Variants in KIZ observed in about 807,000 individuals in gnomAD.
KIZ encodes centrosomal protein kizuna.
In KIZ, 68 loss-of-function variants were observed where a neutral mutation model predicts 79.6. The observed-to-expected ratio is 0.85, with a 90% CI of 0.70 to 1.05. The LOEUF (loss-of-function observed/expected upper bound fraction) is 1.05. Among genes scored for constraint, KIZ ranks in the 50% least tolerant of loss-of-function variants. The pLI is 0.00. For missense variants in KIZ, 797 were observed against 800.4 expected, an observed-to-expected ratio of 1.00 and a Z score of 0.05; for synonymous variants, 280 against 281.8, an observed-to-expected ratio of 0.99 and a Z score of 0.06.
chr20:21,169,042 A>G (rs1278531644), intron 6 of KIZ, among the ~76,000 whole-genome samples: 1 of 152,232 alleles, frequency 6.6e-6, no homozygotes, highest in African/African-American at 2.4e-5. Context: ...TCATGTCTAA[A>G]ACACCAAAAG....
In KIZ at chr20:21,171,471, G is replaced by A. The variant is rs1380957017; in HGVS notation, c.1352+8312G>A. Among the ~76,000 whole-genome samples the A allele has an allele frequency of 2.0e-5, 3 of 152,058 alleles. No individual in the cohort carries two copies. In the East Asian group the frequency reaches 5.8e-4, roughly 29 times the overall value. Reference sequence around the variant, plus strand: ...ATTTTGTTTGTTTGTTTGTGACAGGGTCACACTCTGTTGCCCAGGCTGGAA... The same window carrying A: ...ATTTTGTTTGTTTGTTTGTGACAGGATCACACTCTGTTGCCCAGGCTGGAA... On this transcript the variant is annotated intron_variant, in intron 6 of 12. Coordinates refer to ENST00000619189, the MANE Select transcript of KIZ (RefSeq NM_018474.6).
intron 6 of KIZ, among the ~76,000 whole-genome samples, chr20:21,178,203 C>A (rs906727789): frequency 6.6e-6 from 1 of 152,024 alleles, no homozygotes; most frequent in Non-Finnish European, 1.5e-5. Flanking sequence ...ATCTTATAAT[C>A]CATGAACATG....
In KIZ at chr20:21,162,463, A is replaced by G. The variant is rs2033722006; in HGVS notation, c.998A>G (p.Asn333Ser). ...GTTTCAGAATACTGTGAATCTGAAA[A>G]TAAGTGGTCTCAAGAGAAGCATTCT... ...IPVSEYCESE[N>S]KWSQEKHSPW... The change falls in exon 5 of 13, where the codon AAT becomes AGT. Residue 333 changes from asparagine to serine, a missense_variant. Coordinates refer to ENST00000619189, the MANE Select transcript of KIZ (RefSeq NM_018474.6). The G allele has an allele frequency of 1.2e-6, 2 of 1,613,526 alleles. No homozygotes were observed. The highest frequency in any genetic ancestry group is 2.2e-5 in the East Asian group (1 of 44,862).
intron 6 of KIZ, among the ~76,000 whole-genome samples, chr20:21,187,256 T>C (rs2034913979): frequency 6.6e-6 from 1 of 152,182 alleles, no homozygotes; most frequent in Non-Finnish European, 1.5e-5. Context: ...CTATATTTGG[T>C]GTCTACCATG....
intron 4 of KIZ, among the ~76,000 whole-genome samples, chr20:21,150,534 C>G (rs1298944908): frequency 6.6e-6 from 1 of 152,214 alleles, no homozygotes; most frequent in African/African-American, 2.4e-5. Flanking sequence ...TTAGACAGAG[C>G]CATGACAAGT....
chr20:21,229,063 T>A lies in KIZ; in HGVS notation c.1731T>A (p.Asn577Lys). The change falls in exon 10 of 13, where the codon AAT (asparagine) becomes AAA (lysine). Residue 577 changes from asparagine to lysine, a missense_variant. Physicochemically the swap from Asn to Lys is moderately conservative, Grantham distance 94. Transcript: ENST00000619189. The part of the protein sequence containing the change: ...LKKATLQDNT[N>K]QTENRFQKTD... The stretch of plus-strand genomic sequence containing the variant: ...AGGCCACCCTTCAGGATAATACAAA[T>A]CAAACTGAAAACAGGTTTCAAAAGA... The A allele has an allele frequency of 6.2e-7, 1 of 1,612,780 alleles. No homozygotes were observed. The highest frequency in any genetic ancestry group is 1.3e-5 in the African/African-American group (1 of 75,026).
intron 11 of KIZ, among the ~76,000 whole-genome samples, chr20:21,233,679 T>C (rs918577690): frequency 5.3e-5 from 8 of 152,192 alleles, no homozygotes; most frequent in Admixed American, 1.3e-4. Context: ...GTATAACATA[T>C]AATGTTCCAT....
chr20:21,174,275 C>G (rs1328651862), intron 6 of KIZ, among the ~76,000 whole-genome samples: 1 of 152,092 alleles, frequency 6.6e-6, no homozygotes, highest in Non-Finnish European at 1.5e-5. Flanking sequence ...ATCATTTAAT[C>G]CTATTATCAT....
chr20:21,203,594 T>C (rs1464387138), intron 6 of KIZ, among the ~76,000 whole-genome samples: 1 of 152,216 alleles, frequency 6.6e-6, no homozygotes, highest in Non-Finnish European at 1.5e-5. Flanking sequence ...TGGTGACTTT[T>C]CTAATTTGAT....
At chr20:21,146,831 T>C (rs1386355329) in intron 4 of KIZ, among the ~76,000 whole-genome samples, 1 of 147,922 alleles carries the variant, frequency 6.8e-6, no homozygotes, top group Admixed American at 6.7e-5. Context: ...ATTAAAAAAT[T>C]AAAAAAAAAA....
chr20:21,226,535 G>A (rs2036660666), intron 9 of KIZ, among the ~76,000 whole-genome samples: 1 of 152,140 alleles, frequency 6.6e-6, no homozygotes, highest in East Asian at 1.9e-4. Context: ...GGGGGGTGAT[G>A]CATAGGGAGA....
At chr20:21,224,141 G>A (rs532602539) in intron 9 of KIZ, among the ~76,000 whole-genome samples, 22 of 151,520 alleles carry the variant, frequency 1.5e-4, no homozygotes, top group African/African-American at 4.4e-4. Context: ...CTACAGGCAC[G>A]CGCCACCATG....
At position 21,214,604 on chromosome 20, in the gene KIZ, T is replaced by A; in HGVS notation, c.1516T>A (p.Ser506Thr). Residue 506 changes from serine to threonine, a missense_variant, in exon 8 of 13, where the codon TCA becomes ACA. Transcript: ENST00000619189. ...GRRSAIHSSE[S>T]SCSLPSILND... ...TAGGTCAGCTATTCACAGTAGTGAA[T>A]CATCTTGCAGCTTGCCATCTATTCT... 6.2e-7 allele frequency: 1 copy of A among 1,613,176 alleles called. No individual in the cohort carries two copies. The highest frequency in any genetic ancestry group is 8.5e-7 in the Non-Finnish European group (1 of 1,179,234).
intron 11 of KIZ, among the ~76,000 whole-genome samples, chr20:21,234,590 C>T (rs1308143274): frequency 1.3e-5 from 2 of 151,990 alleles, no homozygotes; most frequent in Non-Finnish European, 2.9e-5. Flanking sequence ...ATTTAAGGAT[C>T]CCACTTACTG....
Position 21,162,336 on chromosome 20 carries a change from T to A in KIZ, c.871T>A (p.Leu291Ile). 1 of 1,613,842 alleles carries A rather than the reference T, an allele frequency of 6.2e-7. No individual in the cohort carries two copies. The highest frequency in any genetic ancestry group is 8.5e-7 in the Non-Finnish European group (1 of 1,179,834). Residue 291 changes from leucine (L) to isoleucine (I), a missense_variant, in exon 5 of 13, where the codon TTA (leucine) becomes ATA (isoleucine). Coordinates refer to ENST00000619189, the MANE Select transcript of KIZ (RefSeq NM_018474.6). Reference protein sequence around the residue: ...RLSPENRTTDLKCDSSSGSEG... With the variant: ...RLSPENRTTDIKCDSSSGSEG... ...AAGTCCAGAGAACAGAACCACTGATTTAAAGTGTGACAGTTCCAGCGGATC... is the reference window on the plus strand; with the variant it reads ...AAGTCCAGAGAACAGAACCACTGATATAAAGTGTGACAGTTCCAGCGGATC...
intron 6 of KIZ, among the ~76,000 whole-genome samples, chr20:21,183,512 C>CA (rs2034744766): frequency 6.6e-6 from 1 of 152,224 alleles, no homozygotes; most frequent in Admixed American, 6.5e-5. Flanking sequence ...TGGCTAGCTT[C>CA]ACGGCTTTCA....
At chr20:21,218,055 A>G (rs1037164021) in intron 9 of KIZ, 1 of 152,248 alleles carries the variant, frequency 6.6e-6, no homozygotes, top group Non-Finnish European at 1.5e-5. Context: ...CAATACCTGC[A>G]AGACAGTGCT....
intron 9 of KIZ, among the ~76,000 whole-genome samples, chr20:21,220,366 C>T (rs2036463683): frequency 6.6e-6 from 1 of 152,108 alleles, no homozygotes; most frequent in South Asian, 2.1e-4. Context: ...AGGTATCCTG[C>T]TCAAGGCCAT....
intron 6 of KIZ, among the ~76,000 whole-genome samples, chr20:21,187,384 C>G (rs1173613013): frequency 6.6e-6 from 1 of 152,186 alleles, no homozygotes; most frequent in African/African-American, 2.4e-5. Context: ...TGAGTGCCCC[C>G]TCAGTGGAGG....
Sources: allele counts gnomAD v4.1 joint callset (sites outside exome capture counted in the v4.1 genomes callset), GRCh38; gene constraint gnomAD v4.1.1; transcripts MANE v1.5; gene names NCBI Gene and HGNC (gene_info 2026-07-23, HGNC 2026-07-21).